RGS5: variants seen among roughly 807,000 people sequenced by gnomAD.
RGS5 encodes regulator of G protein signaling 5.
RGS5 carries 20 observed loss-of-function variants against 18.9 expected under a neutral mutation model. The ratio of observed to expected loss-of-function variants is 1.06; its 90% CI spans 0.74 to 1.54. The LOEUF (loss-of-function observed/expected upper bound fraction) is 1.54, where lower values mean the gene tolerates loss of function less well. Ranked by LOEUF, RGS5 falls within the 40% of genes most tolerant of loss-of-function variation. The pLI is 0.00. For missense variants in RGS5, 201 were observed against 211.8 expected, an observed-to-expected ratio of 0.95 and a Z score of 0.32; for synonymous variants, 57 against 76.2, an observed-to-expected ratio of 0.75 and a Z score of 1.31.
intron 2 of RGS5, among the ~76,000 whole-genome samples, chr1:163,293,441 C>G (rs1417206655): frequency 6.6e-6 from 1 of 152,142 alleles, no homozygotes; most frequent in Non-Finnish European, 1.5e-5. Flanking sequence ...AACTCACTAT[C>G]ATGATAACAG....
At chr1:163,240,899 T>C (rs1647774444) in intron 2 of RGS5, among the ~76,000 whole-genome samples, 1 of 152,206 alleles carries the variant, frequency 6.6e-6, no homozygotes, top group Non-Finnish European at 1.5e-5. Context: ...AGGCGTGTGA[T>C]GGCACACGCC....
At chr1:163,215,507 A>T (rs1660196821) in intron 1 of RGS5, among the ~76,000 whole-genome samples, 1 of 152,200 alleles carries the variant, frequency 6.6e-6, no homozygotes, top group African/African-American at 2.4e-5. Context: ...TGGCACACTC[A>T]AATTAGGATA....
At chr1:163,238,287 A>G (rs1472422347) in intron 2 of RGS5, among the ~76,000 whole-genome samples, 1 of 152,214 alleles carries the variant, frequency 6.6e-6, no homozygotes, top group East Asian at 1.9e-4. Flanking sequence ...AGGTCCAAAC[A>G]CCTTAAAGAA....
chr1:163,207,899 C>CA (rs1240465595), upstream of RGS5, among the ~76,000 whole-genome samples: 554 of 146,410 alleles, frequency 3.8e-3, 7 homozygotes, highest in African/African-American at 0.013. Context: ...TCCTACATAC[C>CA]AAAAAAAAAG....
chr1:163,162,021 C>T, intron 2 of RGS5, 45 bp from the exon 3 acceptor site: 1 of 1,279,186 alleles, frequency 7.8e-7, no homozygotes, highest in South Asian at 1.2e-5. Flanking sequence ...CGTAAGTAGG[C>T]ATTGAACCAC....
At position 163,164,853 on chromosome 1, in the gene RGS5, T is replaced by C. The variant is rs188370231; in HGVS notation, c.156-2877A>G. Among the ~76,000 whole-genome samples, 5 of 152,358 alleles carry C rather than the reference T, an allele frequency of 3.3e-5. No homozygotes were observed. The East Asian group carries it at 9.6e-4, about 29-fold the overall frequency. On this transcript the variant is annotated intron_variant, in intron 2 of 4. Transcript: ENST00000313961. The stretch of plus-strand genomic sequence containing the variant: ...TGTATTGTTTTGGTTTGATTTGGTT[T>C]TTAATCTGCGCAGTGCCTGGCACAT...
At chr1:163,280,501 A>G (rs1006459916) in intron 2 of RGS5, among the ~76,000 whole-genome samples, 20 of 152,164 alleles carry the variant, frequency 1.3e-4, no homozygotes, top group African/African-American at 4.8e-4. Context: ...ATAGAAATCA[A>G]AAAAGGAATC....
chr1:163,240,011 T>TCA (rs1427090297), intron 2 of RGS5, among the ~76,000 whole-genome samples: 1 of 151,660 alleles, frequency 6.6e-6, no homozygotes, highest in East Asian at 1.9e-4. Context: ...CAAAAGAACT[T>TCA]GAAAAAAGGT....
chr1:163,237,344 T>C (rs1456004958), intron 2 of RGS5: 1 of 154,182 alleles, frequency 6.5e-6, no homozygotes, highest in Non-Finnish European at 1.5e-5. Flanking sequence ...CTCAGAAGGA[T>C]TGATGAGTTT....
At chr1:163,231,579 TG>T (rs1647482570) in intron 2 of RGS5, among the ~76,000 whole-genome samples, 1 of 152,088 alleles carries the variant, frequency 6.6e-6, no homozygotes, top group South Asian at 2.1e-4. Flanking sequence ...TTTAGTCCAG[TG>T]GTATGCACAA....
At chr1:163,247,770 A>G (rs955072333) in intron 2 of RGS5, among the ~76,000 whole-genome samples, 2 of 152,096 alleles carry the variant, frequency 1.3e-5, no homozygotes, top group African/African-American at 4.8e-5. Flanking sequence ...ATGTTCTCTC[A>G]TAGAGCCACC....
intron 2 of RGS5, among the ~76,000 whole-genome samples, chr1:163,263,251 A>G (rs1231855902): frequency 6.6e-6 from 1 of 152,180 alleles, no homozygotes; most frequent in African/African-American, 2.4e-5. Context: ...CCCACTAGGC[A>G]TTTCCCTAAG....
At chr1:163,182,280 C>T (rs1658882520) in intron 1 of RGS5, among the ~76,000 whole-genome samples, 1 of 152,152 alleles carries the variant, frequency 6.6e-6, no homozygotes, top group South Asian at 2.1e-4. Context: ...AGAGAAGATA[C>T]ACTGCTGGCC....
intron 2 of RGS5, among the ~76,000 whole-genome samples, chr1:163,246,008 G>A (rs1236055795): frequency 1.3e-5 from 2 of 151,940 alleles, no homozygotes; most frequent in African/African-American, 2.4e-5. Flanking sequence ...GAGGTCAGGA[G>A]ATCGAGACCA....
chr1:163,205,787 C>A (rs1659941649), upstream of RGS5, among the ~76,000 whole-genome samples: 1 of 152,212 alleles, frequency 6.6e-6, no homozygotes, highest in African/African-American at 2.4e-5. Context: ...GCCCACACAA[C>A]TGCTCTGATT....
chr1:163,296,523 C>A (rs1649422793), intron 2 of RGS5, among the ~76,000 whole-genome samples: 1 of 152,152 alleles, frequency 6.6e-6, no homozygotes, highest in African/African-American at 2.4e-5. Flanking sequence ...GTATGGACAA[C>A]CTTCATGCTT....
At chr1:163,269,713 G>A (rs912225845) in intron 2 of RGS5, among the ~76,000 whole-genome samples, 1 of 152,094 alleles carries the variant, frequency 6.6e-6, no homozygotes, top group Non-Finnish European at 1.5e-5. Context: ...AACAAAACAA[G>A]CTTCAGTTTT....
chr1:163,180,930 G>A (rs1386057467), intron 1 of RGS5, among the ~76,000 whole-genome samples: 2 of 151,864 alleles, frequency 1.3e-5, no homozygotes, highest in African/African-American at 4.8e-5. Context: ...TCCCGACCTC[G>A]TGATCCTCCC....
At position 163,179,268 on chromosome 1, in the gene RGS5, A is replaced by C. The variant is rs7416476; in HGVS notation, c.45-10900T>G. Among the ~76,000 whole-genome samples the C allele has an allele frequency of 6.2e-4, 95 of 152,344 alleles. 2 individuals carry two copies. The South Asian group carries it at 0.019, about 31-fold the overall frequency. ...TCTTACTACATGTGTGACTTTTGGCAAGTTTTTAAACCTTACCTTGCCTTA... is the reference window on the plus strand; with the variant it reads ...TCTTACTACATGTGTGACTTTTGGCCAGTTTTTAAACCTTACCTTGCCTTA... On this transcript the variant is annotated intron_variant, in intron 1 of 4. Transcript: ENST00000313961.
Sources: gnomAD v4.1 joint callset for allele counts (sites outside exome capture counted in the v4.1 genomes callset) on GRCh38, gnomAD v4.1.1 for gene constraint, MANE v1.5 for transcripts, NCBI Gene and HGNC (gene_info 2026-07-23, HGNC 2026-07-21) for gene names.